ASIC2: variants seen among roughly 807,000 people sequenced by gnomAD.
The protein encoded by ASIC2 is acid-sensing ion channel 2.
A neutral mutation model predicts 57.3 loss-of-function variants in ASIC2; 25 were observed. The ratio of observed to expected loss-of-function variants is 0.44; its 90% CI spans 0.32 to 0.61. The LOEUF is 0.61. Ranked by LOEUF, ASIC2 falls within the 20% of genes least tolerant of loss-of-function variation. The pLI, the probability that ASIC2 is intolerant of heterozygous loss-of-function variation, is 0.06. For synonymous variants in ASIC2, 319 were observed against 307.5 expected, an observed-to-expected ratio of 1.04 and a Z score of -0.39; for missense variants, 641 against 738.1, an observed-to-expected ratio of 0.87 and a Z score of 1.52.
intron 1 of ASIC2, among the ~76,000 whole-genome samples, chr17:33,175,865 C>T (rs966381047): frequency 6.6e-6 from 1 of 152,150 alleles, no homozygotes; most frequent in Admixed American, 6.5e-5. Context: ...ATCAACCTTT[C>T]TAAAATATAA....
chr17:33,247,188 G>T (rs1329309853), intron 1 of ASIC2, among the ~76,000 whole-genome samples: 1 of 152,172 alleles, frequency 6.6e-6, no homozygotes, highest in African/African-American at 2.4e-5. Flanking sequence ...GAGTACATGG[G>T]GTGGGTGTTC....
intron 1 of ASIC2, among the ~76,000 whole-genome samples, chr17:33,223,722 C>T (rs1907772160): frequency 2.6e-5 from 4 of 152,200 alleles, no homozygotes; most frequent in Admixed American, 2.6e-4. Flanking sequence ...GTTAAGGTCA[C>T]CACCATTACG....
chr17:33,484,716 G>A (rs1045320993), intron 1 of ASIC2, among the ~76,000 whole-genome samples: 1 of 152,180 alleles, frequency 6.6e-6, no homozygotes, highest in African/African-American at 2.4e-5. Flanking sequence ...TTGAGGACTA[G>A]CTAAGGCAGG....
At chr17:33,219,294 C>T (rs72819154) in intron 1 of ASIC2, among the ~76,000 whole-genome samples, 1 of 152,160 alleles carries the variant, frequency 6.6e-6, no homozygotes, top group Non-Finnish European at 1.5e-5. Context: ...AGGCAGCCCC[C>T]CTTGATGCCA....
In ASIC2 at chr17:33,380,245, C is replaced by CAA. The variant is rs10586872; in HGVS notation, c.556-268180_556-268179dup. On this transcript the variant is annotated intron_variant, in intron 1 of 9. Transcript: ENST00000359872. Reference sequence around the variant, plus strand: ...CAAGCAACAGAGGGAAACCCTGTCTCAAAAAAAAAAAAAAAAAAAAAAAGA... The same window carrying CAA: ...CAAGCAACAGAGGGAAACCCTGTCTCAAAAAAAAAAAAAAAAAAAAAAAAAGA... Among the ~76,000 whole-genome samples, 87 of 71,018 alleles carry CAA rather than the reference C, an allele frequency of 1.2e-3. 2 individuals are homozygous for CAA. The highest frequency in any genetic ancestry group is 4.3e-3 in the East Asian group (9 of 2,098). The allele number at this position is 71,018 out of a possible 152,430, so 46.6% of individuals were successfully genotyped here. A position where few individuals can be genotyped will look rare whatever the true frequency, so the allele number is the denominator to read the frequency against.
At chr17:34,121,707 G>T (rs1022469177) in intron 1 of ASIC2, among the ~76,000 whole-genome samples, 1 of 152,120 alleles carries the variant, frequency 6.6e-6, no homozygotes, top group African/African-American at 2.4e-5. Context: ...CATGATGAAG[G>T]CTGTAACCAT....
intron 1 of ASIC2, among the ~76,000 whole-genome samples, chr17:33,977,917 C>T (rs2142002228): frequency 6.6e-6 from 1 of 152,316 alleles, no homozygotes; most frequent in South Asian, 2.1e-4. Flanking sequence ...TCTGCAGCTG[C>T]CTGCCTGGCA....
At chr17:33,127,772 C>T (rs1012765969) in intron 1 of ASIC2, among the ~76,000 whole-genome samples, 1 of 152,194 alleles carries the variant, frequency 6.6e-6, no homozygotes, top group Admixed American at 6.5e-5. Context: ...CAGAGTCTCC[C>T]ACCCCACTCC....
intron 9 of ASIC2, among the ~76,000 whole-genome samples, chr17:33,014,417 C>T (rs1047964844): frequency 5.3e-5 from 8 of 151,956 alleles, no homozygotes; most frequent in South Asian, 4.2e-4. Flanking sequence ...GGGCCTCCCT[C>T]GGGGCTATGG....
intron 1 of ASIC2, among the ~76,000 whole-genome samples, chr17:33,730,438 T>A (rs904193786): frequency 1.3e-5 from 2 of 152,240 alleles, no homozygotes; most frequent in African/African-American, 4.8e-5. Context: ...CTTTGTCATT[T>A]TGAAATCACA....
chr17:34,095,289 AT>A (rs1275555906), intron 1 of ASIC2, among the ~76,000 whole-genome samples: 1 of 152,192 alleles, frequency 6.6e-6, no homozygotes. Context: ...AAGGGAGCTC[AT>A]GCTGTCAGTC....
intron 1 of ASIC2, among the ~76,000 whole-genome samples, chr17:33,965,198 T>TATAG (rs1905040842): frequency 6.6e-6 from 1 of 152,202 alleles, no homozygotes; most frequent in African/African-American, 2.4e-5. Flanking sequence ...TATTCCACTT[T>TATAG]ATAGATGAGC....
rs554758691 is a variant in ASIC2, at chr17:34,103,176, C to A, written c.555+52802G>T. 2.6e-5 allele frequency among the ~76,000 whole-genome samples: 4 copies of A among 152,238 alleles called. No individual in the cohort carries two copies. The East Asian group carries it at 7.7e-4, about 29-fold the overall frequency. On this transcript the variant is annotated intron_variant, in intron 1 of 9. Transcript: ENST00000359872. ...AGGGGAGTGGGAGGGGGGACAGTCTCATTTAGTCACCCAGGTTGAAATGCC... is the reference window on the plus strand; with the variant it reads ...AGGGGAGTGGGAGGGGGGACAGTCTAATTTAGTCACCCAGGTTGAAATGCC...
chr17:33,809,530 A>T (rs1912360588), intron 1 of ASIC2, among the ~76,000 whole-genome samples: 1 of 152,190 alleles, frequency 6.6e-6, no homozygotes, highest in Non-Finnish European at 1.5e-5. Flanking sequence ...ATGAAAATGG[A>T]ATGAGCACAA....
intron 1 of ASIC2, among the ~76,000 whole-genome samples, chr17:33,750,475 C>A (rs969470936): frequency 3.9e-5 from 6 of 152,042 alleles, no homozygotes; most frequent in Non-Finnish European, 8.8e-5. Flanking sequence ...TCGCTAGGAA[C>A]CTTTACATTC....
At chr17:33,408,478 C>T (rs972892716) in intron 1 of ASIC2, among the ~76,000 whole-genome samples, 11 of 152,166 alleles carry the variant, frequency 7.2e-5, no homozygotes, top group African/African-American at 2.7e-4. Context: ...GTTTGTGCAT[C>T]TTTAAAACAC....
rs754675358 is a variant in ASIC2, at chr17:33,112,018, C to T, written c.758G>A (p.Gly253Asp). The change falls in exon 2 of 10, where the codon GGC (glycine) becomes GAC (aspartate). Residue 253 changes from glycine to aspartate, a missense_variant. Physicochemically the swap from Gly to Asp is moderately conservative, Grantham distance 94. Coordinates refer to ENST00000225823, the MANE Select transcript of ASIC2 (RefSeq NM_183377.2). ...KCYMFNSGED[G>D]KPLLTTVKGG... ...CTTGACCGTGGTGAGCAGAGGTTTG[C>T]CATCCTCGCCTGAGTTAAACATGTA... The T allele has an allele frequency of 3.1e-6, 5 of 1,613,812 alleles. No individual in the cohort carries two copies. The African/African-American group carries it at 6.7e-5, about 22-fold the overall frequency.
At chr17:33,238,166 G>A (rs1429435528) in intron 1 of ASIC2, among the ~76,000 whole-genome samples, 3 of 152,110 alleles carry the variant, frequency 2.0e-5, no homozygotes, top group East Asian at 1.9e-4. Context: ...ATTACCACTC[G>A]GGCCTGAAGT....
chr17:33,911,532 A>G (rs926631726), intron 1 of ASIC2, among the ~76,000 whole-genome samples: 1 of 152,214 alleles, frequency 6.6e-6, no homozygotes, highest in African/African-American at 2.4e-5. Flanking sequence ...CCCTCTGCTT[A>G]TACTTCATTG....
Sources: gnomAD v4.1 joint callset for allele counts (sites outside exome capture counted in the v4.1 genomes callset) on GRCh38, gnomAD v4.1.1 for gene constraint, MANE v1.5 for transcripts, NCBI Gene and HGNC (gene_info 2026-07-23, HGNC 2026-07-21) for gene names.